COLEC12: variants seen among roughly 807,000 people sequenced by gnomAD.
The protein encoded by COLEC12 is collectin-12.
A neutral mutation model predicts 71.1 loss-of-function variants in COLEC12; 33 were observed. The observed-to-expected ratio is 0.46, with a 90% CI of 0.35 to 0.62. COLEC12 has a LOEUF of 0.62. Among genes scored for constraint, COLEC12 ranks in the 20% least tolerant of loss-of-function variants. The pLI is 0.00. For missense variants in COLEC12, 765 were observed against 916.1 expected (o/e 0.84, Z 2.13); for synonymous variants, 350 against 353.0 (o/e 0.99, Z 0.10).
At chr18:466,350 T>C (rs1917086895) in intron 2 of COLEC12, among the ~76,000 whole-genome samples, 1 of 152,220 alleles carries the variant, frequency 6.6e-6, no homozygotes, top group Admixed American at 6.5e-5. Context: ...AATCTTTTCC[T>C]CCTGACACTA....
intron 2 of COLEC12, among the ~76,000 whole-genome samples, chr18:360,757 C>A (rs1280243621): frequency 2.0e-5 from 3 of 152,166 alleles, no homozygotes; most frequent in Non-Finnish European, 4.4e-5. Context: ...GATGGATTGA[C>A]CTTTGGTTAA....
Position 421,049 on chromosome 18 carries a change from T to C in COLEC12, c.58+59658A>G, listed in dbSNP as rs1916089053. Among the ~76,000 whole-genome samples, 3 of 152,322 alleles carry C rather than the reference T, an allele frequency of 2.0e-5. No homozygotes were observed. The South Asian group carries it at 6.2e-4, about 32-fold the overall frequency. On this transcript the variant is annotated intron_variant, in intron 2 of 9. Coordinates refer to ENST00000400256, the MANE Select transcript of COLEC12 (RefSeq NM_130386.3). ...ACCCTGCCCTGCCTGGCCTTTCCCA[T>C]GGAAAGCCTAATAAAGGCAGTGAAC...
intron 3 of COLEC12, among the ~76,000 whole-genome samples, chr18:350,665 C>T (rs969844354): frequency 2.6e-5 from 4 of 152,048 alleles, no homozygotes; most frequent in East Asian, 1.9e-4. Context: ...TGGTGGCTCA[C>T]GCCCGTAATT....
intron 8 of COLEC12, among the ~76,000 whole-genome samples, chr18:324,497 C>G (rs1913789339): frequency 1.3e-5 from 2 of 152,012 alleles, no homozygotes; most frequent in South Asian, 4.1e-4. Flanking sequence ...CACACACACA[C>G]ACATCAAATA....
intron 2 of COLEC12, among the ~76,000 whole-genome samples, chr18:369,560 T>C (rs1415543143): frequency 6.6e-6 from 1 of 152,080 alleles, no homozygotes; most frequent in Non-Finnish European, 1.5e-5. Context: ...TAACGTGTCA[T>C]CTAGCATTAG....
At chr18:405,701 G>A (rs1047328081) in intron 2 of COLEC12, among the ~76,000 whole-genome samples, 1 of 152,078 alleles carries the variant, frequency 6.6e-6, no homozygotes, top group Admixed American at 6.5e-5. Context: ...ACACAAATAA[G>A]TTATAGGTAT....
chr18:470,929 T>C (rs1567918130), intron 2 of COLEC12, among the ~76,000 whole-genome samples: 1 of 152,240 alleles, frequency 6.6e-6, no homozygotes, highest in Non-Finnish European at 1.5e-5. Context: ...AACGACATGT[T>C]AGAAAGGTTA....
At chr18:358,387 T>C (rs1198516681) in intron 2 of COLEC12, among the ~76,000 whole-genome samples, 1 of 152,178 alleles carries the variant, frequency 6.6e-6, no homozygotes, top group African/African-American at 2.4e-5. Context: ...CTCACCATAA[T>C]GTAGAAACAG....
At position 362,251 on chromosome 18, in the gene COLEC12, A is replaced by G. The variant is rs1210196273; in HGVS notation, c.59-4729T>C. Among the ~76,000 whole-genome samples, 2 of 152,180 alleles carry G rather than the reference A, an allele frequency of 1.3e-5. No homozygotes were observed. The highest frequency in any genetic ancestry group is 4.8e-5 in the African/African-American group (2 of 41,446). On this transcript the variant is annotated intron_variant, in intron 2 of 9. Coordinates refer to ENST00000400256, the MANE Select transcript of COLEC12 (RefSeq NM_130386.3). This position sits in a 1 kb window ranked among gnomAD's most constrained non-coding sequence, Gnocchi z 4.6. Reference sequence around the variant, plus strand: ...TGCATTTCTCACTGCTGACTCTATCAGCATTTAATCAATATCAGATGGCAC... The same window carrying G: ...TGCATTTCTCACTGCTGACTCTATCGGCATTTAATCAATATCAGATGGCAC...
intron 2 of COLEC12, among the ~76,000 whole-genome samples, chr18:394,472 A>G (rs923189867): frequency 6.6e-6 from 1 of 152,274 alleles, no homozygotes; most frequent in Non-Finnish European, 1.5e-5. Flanking sequence ...GTAATACCAC[A>G]TGAAAATGGC....
At chr18:495,941 G>T (rs1309863537) in intron 1 of COLEC12, among the ~76,000 whole-genome samples, 1 of 152,128 alleles carries the variant, frequency 6.6e-6, no homozygotes, top group African/African-American at 2.4e-5. Context: ...GATAATGCCT[G>T]GCATGGCAGG....
chr18:481,106 T>C (rs1409340958), intron 1 of COLEC12, among the ~76,000 whole-genome samples: 1 of 152,232 alleles, frequency 6.6e-6, no homozygotes, highest in South Asian at 2.1e-4. Flanking sequence ...GAATTTACTG[T>C]TGTCATCATG....
intron 2 of COLEC12, among the ~76,000 whole-genome samples, chr18:376,072 C>T (rs924869340): frequency 2.0e-5 from 3 of 152,128 alleles, no homozygotes; most frequent in South Asian, 2.1e-4. Context: ...AAACCCAGAT[C>T]GACTCCATTC....
At chr18:434,864 C>G (rs904531754) in intron 2 of COLEC12, among the ~76,000 whole-genome samples, 1 of 152,142 alleles carries the variant, frequency 6.6e-6, no homozygotes, top group Non-Finnish European at 1.5e-5. Flanking sequence ...TTTTCCTGCT[C>G]CATTTCTCAT....
intron 2 of COLEC12, among the ~76,000 whole-genome samples, chr18:455,647 G>C (rs55870839): frequency 0.25 from 37,892 of 148,884 alleles, 5,472 homozygotes; most frequent in South Asian, 0.44. Context: ...CCCTCCCTTT[G>C]CCCCCCCCTC....
Position 408,142 on chromosome 18 carries a change from T to G in COLEC12, c.59-50620A>C, listed in dbSNP as rs1045803181. ...AATTTCTTTGGTTTTCAGCATGGTG[T>G]GAGGACAGTGTCCTGGGAAGATCAT... On this transcript the variant is annotated intron_variant, in intron 2 of 9. Transcript: ENST00000400256. This position sits in a 1 kb window ranked among gnomAD's most constrained non-coding sequence, Gnocchi z 4.3. Among the ~76,000 whole-genome samples, 1 of 152,232 alleles carries G rather than the reference T, an allele frequency of 6.6e-6. No individual in the cohort carries two copies. Among genetic ancestry groups the G allele is most frequent in the African/African-American group, 2.4e-5 (1 of 41,462 alleles).
rs7230357 is a variant in COLEC12 at position 368,834 on chromosome 18, C to A, written c.59-11312G>T. Among the ~76,000 whole-genome samples, 32 of 152,296 alleles carry A rather than the reference C, an allele frequency of 2.1e-4. No individual in the cohort carries two copies. The East Asian group carries it at 5.2e-3, about 25-fold the overall frequency. ...TGAGCCGAGATCACGTCACTGCACT[C>A]CAGCCTGGGCAACAGAGCGAGACTC... On this transcript the variant is annotated intron_variant, in intron 2 of 9. Coordinates refer to ENST00000400256, the MANE Select transcript of COLEC12 (RefSeq NM_130386.3).
At chr18:394,707 A>G (rs1201600511) in intron 2 of COLEC12, among the ~76,000 whole-genome samples, 1 of 152,182 alleles carries the variant, frequency 6.6e-6, no homozygotes, top group Non-Finnish European at 1.5e-5. Context: ...TAAAAGAAGA[A>G]GCTGAGGCCC....
At chr18:469,360 A>G (rs1917149533) in intron 2 of COLEC12, among the ~76,000 whole-genome samples, 1 of 152,212 alleles carries the variant, frequency 6.6e-6, no homozygotes, top group South Asian at 2.1e-4. Flanking sequence ...TTTTTCTTTT[A>G]TGCAAATACA....
Sources: gnomAD v4.1 joint callset for allele counts (sites outside exome capture counted in the v4.1 genomes callset) on GRCh38, gnomAD v4.1.1 for gene constraint, Gnocchi (gnomAD v3.1) non-coding constraint, MANE v1.5 for transcripts, NCBI Gene and HGNC (gene_info 2026-07-23, HGNC 2026-07-21) for gene names.